The following CDK13 variants were observed in gnomAD, a reference collection of about 807,000 sequenced individuals.
CDK13 encodes the protein cyclin-dependent kinase 13.
A neutral mutation model predicts 137.6 loss-of-function variants in CDK13; 40 were observed. The ratio of observed to expected loss-of-function variants is 0.29; its 90% confidence interval spans 0.23 to 0.38. CDK13 has a LOEUF of 0.38. CDK13 is among the 10% of genes least tolerant of loss of function. The probability of loss-of-function intolerance (pLI) is 1.00; values close to 1 mark genes in which losing one functional copy is unlikely to be tolerated. For synonymous variants in CDK13, 869 were observed against 760.1 expected, an observed-to-expected ratio of 1.14 and a Z score of -2.36; for missense variants, 1,704 against 1,951.8, an observed-to-expected ratio of 0.87 and a Z score of 2.39.
Position 40,094,147 on chromosome 7 carries a change from C to G in CDK13, c.3706C>G (p.Gln1236Glu). 1 of 1,613,790 alleles carries G rather than the reference C, an allele frequency of 6.2e-7. No homozygotes were observed. Among genetic ancestry groups the G allele is most frequent in the Non-Finnish European group, 8.5e-7 (1 of 1,179,938 alleles). The change falls in exon 14 of 14, where the codon CAG (glutamine) becomes GAG (glutamate). Residue 1236 changes from glutamine (Q) to glutamate (E), a missense_variant. This residue lies in a region of CDK13 where 475 missense variants were observed against 579.3 expected (regional missense o/e 0.82). Coordinates refer to ENST00000181839, the MANE Select transcript of CDK13 (RefSeq NM_003718.5). ...TPVSGQDDLI[Q>E]HQDMRILELT... ...TCACTTAGGACAAGATGACCTCATC[C>G]AGCATCAAGATATGAGGATCTTGGA...
intron 5 of CDK13, among the ~76,000 whole-genome samples, chr7:40,008,331 T>G (rs1201335488): frequency 6.6e-6 from 1 of 152,192 alleles, no homozygotes; most frequent in Non-Finnish European, 1.5e-5. Context: ...TTTTGGACAA[T>G]GAAGTTACAG....
At chr7:39,975,941 T>G (rs185163126) in intron 1 of CDK13, among the ~76,000 whole-genome samples, 9 of 152,324 alleles carry the variant, frequency 5.9e-5, no homozygotes, top group African/African-American at 2.2e-4. Flanking sequence ...CAAGCCAACC[T>G]GTAACAAGTA....
At chr7:40,045,544 A>C (rs1318321164) in intron 5 of CDK13, among the ~76,000 whole-genome samples, 3 of 151,308 alleles carry the variant, frequency 2.0e-5, no homozygotes, top group Non-Finnish European at 2.9e-5. Flanking sequence ...CTAAAACATT[A>C]ATCACACCTA....
At chr7:40,058,678 T>A (rs1786075892) in intron 7 of CDK13, among the ~76,000 whole-genome samples, 1 of 152,168 alleles carries the variant, frequency 6.6e-6, no homozygotes, top group Admixed American at 6.5e-5. Flanking sequence ...GTATTTGGAT[T>A]GGGGATCTAT....
chr7:39,958,163 G>A (rs958307988), intron 1 of CDK13, among the ~76,000 whole-genome samples: 1 of 152,284 alleles, frequency 6.6e-6, no homozygotes, highest in African/African-American at 2.4e-5. Context: ...TGGAATGTAA[G>A]TAAAATGGAA....
intron 1 of CDK13, among the ~76,000 whole-genome samples, chr7:39,958,426 G>A (rs1787492800): frequency 6.6e-6 from 1 of 152,104 alleles, no homozygotes; most frequent in South Asian, 2.1e-4. Context: ...GTATAGAAAA[G>A]TATAAGAGAT....
chr7:40,092,086 C>T (rs1055828273), intron 12 of CDK13, among the ~76,000 whole-genome samples: 2 of 150,046 alleles, frequency 1.3e-5, no homozygotes, highest in African/African-American at 4.9e-5. Context: ...TTTCTGTAGG[C>T]ATTCCTAACT....
intron 5 of CDK13, among the ~76,000 whole-genome samples, chr7:40,021,936 A>G (rs1785135448): frequency 6.6e-6 from 1 of 152,146 alleles, no homozygotes; most frequent in Non-Finnish European, 1.5e-5. Context: ...TGTGTTTGGA[A>G]CTCAGATTTT....
chr7:40,098,732 T>C lies in CDK13; in HGVS notation c.*3752T>C, dbSNP rs1787091463. 1 of 152,096 alleles carries C rather than the reference T, an allele frequency of 6.6e-6. No individual in the cohort carries two copies. The highest frequency in any genetic ancestry group is 2.1e-4 in the South Asian group (1 of 4,836). 9.4% of individuals were successfully genotyped at this position (152,096 alleles called of 1,614,324 possible). ...ATACCTAAATTCTGCAGTAAATACT[T>C]AACTTTTTAATAGGGAAATTGCTTC... On this transcript the variant is annotated 3_prime_UTR_variant, in exon 14 of 14. Coordinates refer to ENST00000181839, the MANE Select transcript of CDK13 (RefSeq NM_003718.5).
At chr7:39,973,037 CAAAT>C (rs1562705652) in intron 1 of CDK13, among the ~76,000 whole-genome samples, 1 of 152,128 alleles carries the variant, frequency 6.6e-6, no homozygotes, top group Non-Finnish European at 1.5e-5. Context: ...TCTCTAATGA[CAAAT>C]AAAGTTGAGC....
chr7:40,050,260 C>G (rs1027845682), intron 7 of CDK13, among the ~76,000 whole-genome samples: 1 of 152,096 alleles, frequency 6.6e-6, no homozygotes, highest in Admixed American at 6.6e-5. Context: ...GTTTTCAATT[C>G]GCAATTTTTT....
At chr7:39,999,567 A>C in intron 4 of CDK13, 67 bp downstream of exon 4, 1 of 1,448,094 alleles carries the variant, frequency 6.9e-7, no homozygotes, top group Non-Finnish European at 9.3e-7. Context: ...TTCTCTTCTG[A>C]TGTTTGGCTT....
chr7:39,999,731 T>C (rs1375456238), intron 4 of CDK13, among the ~76,000 whole-genome samples: 2 of 152,246 alleles, frequency 1.3e-5, no homozygotes, highest in Admixed American at 6.5e-5. Flanking sequence ...ATTTGTGATA[T>C]ACTGTATGGT....
At chr7:40,030,235 G>A (rs1719537) in intron 5 of CDK13, among the ~76,000 whole-genome samples, 336 of 2,578 alleles carry the variant, frequency 0.13, 2 homozygotes, top group South Asian at 0.22. Context: ...ATATATATAT[G>A]TGTGTGTGTG....
intron 1 of CDK13, among the ~76,000 whole-genome samples, chr7:39,966,812 G>A (rs1170961732): frequency 6.6e-6 from 1 of 152,220 alleles, no homozygotes; most frequent in Middle Eastern, 3.4e-3. Context: ...CTTTCTGCTT[G>A]TTAGCTTTCC....
intron 7 of CDK13, among the ~76,000 whole-genome samples, chr7:40,053,437 T>C (rs1302477306): frequency 6.6e-6 from 1 of 152,218 alleles, no homozygotes; most frequent in Non-Finnish European, 1.5e-5. Flanking sequence ...CTTTCTCCCT[T>C]ATGGTCTTCT....
intron 9 of CDK13, chr7:40,069,432 C>T (rs1786361705): frequency 2.6e-6 from 1 of 383,140 alleles, no homozygotes; most frequent in African/African-American, 2.1e-5. Flanking sequence ...TCAGCTACTT[C>T]CTGCGCTTAT....
rs1784369805 is a variant in CDK13 at position 39,987,772 on chromosome 7, C to T, written c.1385C>T (p.Ala462Val). The T allele has an allele frequency of 6.2e-7, 1 of 1,614,082 alleles. No homozygotes were observed. The highest frequency in any genetic ancestry group is 8.5e-7 in the Non-Finnish European group (1 of 1,180,006). Residue 462 changes from alanine to valine, a missense_variant, in exon 2 of 14, where the codon GCA (alanine) becomes GTA (valine). Around this residue, in one of 5 missense-constraint regions of CDK13, gnomAD observed 1,051 missense variants for 931.0 expected, o/e 1.13. Transcript: ENST00000181839. ...ELNKNKKARA[A>V]EAARAAEAAK... ...AACAAGAATAAAAAAGCACGAGCAG[C>T]AGAGGCAGCAAGAGCCGCAGAAGCA...
At chr7:40,072,568 T>G (rs2150532841) in intron 9 of CDK13, 1 of 152,348 alleles carries the variant, frequency 6.6e-6, no homozygotes, top group Admixed American at 6.5e-5. Flanking sequence ...ACTGGTTTTG[T>G]ACCATTAGTG....
Sources: allele counts gnomAD v4.1 joint callset (sites outside exome capture counted in the v4.1 genomes callset), GRCh38; gene constraint gnomAD v4.1.1; regional missense constraint gnomAD v4.1.1; transcripts MANE v1.5; gene names NCBI Gene and HGNC (gene_info 2026-07-23, HGNC 2026-07-21).